Variants in MAP3K20 observed in about 807,000 individuals in gnomAD.
MAP3K20 encodes HCCS-4.
A neutral mutation model predicts 85.7 loss-of-function variants in MAP3K20; 40 were observed. That is an observed-to-expected ratio of 0.47 (90% CI 0.36 to 0.61). The LOEUF (loss-of-function observed/expected upper bound fraction) is 0.61. Among genes scored for constraint, MAP3K20 ranks in the 20% least tolerant of loss-of-function variants. MAP3K20 has a pLI of 0.00. For synonymous variants in MAP3K20, 325 were observed against 327.7 expected, an observed-to-expected ratio of 0.99 and a Z score of 0.09; for missense variants, 817 against 961.7, an observed-to-expected ratio of 0.85 and a Z score of 1.99.
intron 2 of MAP3K20, among the ~76,000 whole-genome samples, chr2:173,134,193 CTTT>C (rs1351658012): frequency 2.3e-5 from 3 of 130,420 alleles, no homozygotes; most frequent in African/African-American, 2.8e-5. Flanking sequence ...CAATAGCTAT[CTTT>C]TTTTTTTTTT....
At chr2:173,230,114 G>T (rs145520050) in intron 12 of MAP3K20, among the ~76,000 whole-genome samples, 104 of 152,260 alleles carry the variant, frequency 6.8e-4, no homozygotes, top group African/African-American at 2.4e-3. Context: ...TTATAGGTGT[G>T]AGCCACTGTG....
chr2:173,085,784 A>ATTTTTTTTTTTTTTTTTT (rs61431056), intron 1 of MAP3K20, among the ~76,000 whole-genome samples: 1 of 73,760 alleles, frequency 1.4e-5, no homozygotes. Flanking sequence ...TGTAAAAGCA[A>ATTTTTTTTTTTTTTTTTT]TTTTTTTTTT....
At chr2:173,150,572 A>AT (rs918670613) in intron 2 of MAP3K20, among the ~76,000 whole-genome samples, 1 of 152,032 alleles carries the variant, frequency 6.6e-6, no homozygotes, top group East Asian at 1.9e-4. Context: ...CCTTAAAAAA[A>AT]TTTTTTTTCT....
intron 11 of MAP3K20, chr2:173,223,531 C>A: frequency 1.0e-6 from 1 of 985,330 alleles, no homozygotes; most frequent in African/African-American, 1.7e-5. Flanking sequence ...ATAATATTTT[C>A]TCTGTAGTAT....
chr2:173,263,449 A>G (rs190909524), intron 18 of MAP3K20, among the ~76,000 whole-genome samples: 13 of 152,352 alleles, frequency 8.5e-5, no homozygotes, highest in African/African-American at 2.9e-4. Flanking sequence ...AAAGACAACC[A>G]TATTTTTTAG....
At chr2:173,134,696 G>C (rs1688750252) in intron 2 of MAP3K20, among the ~76,000 whole-genome samples, 1 of 151,570 alleles carries the variant, frequency 6.6e-6, no homozygotes, top group Non-Finnish European at 1.5e-5. Context: ...GCAGCCTTCA[G>C]ATATTTCCAG....
chr2:173,119,642 A>G (rs150943944), intron 2 of MAP3K20, among the ~76,000 whole-genome samples: 1,750 of 152,306 alleles, frequency 0.011, 22 homozygotes, highest in Middle Eastern at 0.024. Flanking sequence ...ATAAATTGTT[A>G]ACTGGCACAG....
At chr2:173,147,149 T>G (rs1689160576) in intron 2 of MAP3K20, among the ~76,000 whole-genome samples, 1 of 152,218 alleles carries the variant, frequency 6.6e-6, no homozygotes. Flanking sequence ...CCCTATTCTG[T>G]GGGTTGTCTT....
chr2:173,126,511 C>T (rs1477522500), intron 2 of MAP3K20, among the ~76,000 whole-genome samples: 1 of 152,146 alleles, frequency 6.6e-6, no homozygotes, highest in African/African-American at 2.4e-5. Context: ...TCCCAAGTAG[C>T]TGGGACTACA....
At chr2:173,148,673 C>T (rs542528520) in intron 2 of MAP3K20, among the ~76,000 whole-genome samples, 1 of 152,324 alleles carries the variant, frequency 6.6e-6, no homozygotes, top group South Asian at 2.1e-4. Flanking sequence ...CTCCAACCTC[C>T]TGACGATGCC....
chr2:173,164,375 A>G (rs1229523664), intron 2 of MAP3K20, among the ~76,000 whole-genome samples: 1 of 152,074 alleles, frequency 6.6e-6, no homozygotes. Flanking sequence ...GTGTCTATGC[A>G]TGTTCTTTGC....
At chr2:173,125,182 T>A (rs114360392) in intron 2 of MAP3K20, among the ~76,000 whole-genome samples, 219 of 152,334 alleles carry the variant, frequency 1.4e-3, no homozygotes, top group African/African-American at 5.1e-3. Flanking sequence ...TTGTCTTCCC[T>A]ATTTTAAGGA....
At chr2:173,261,425 A>G (rs1685289888) in intron 18 of MAP3K20, among the ~76,000 whole-genome samples, 1 of 152,184 alleles carries the variant, frequency 6.6e-6, no homozygotes, top group Admixed American at 6.5e-5. Flanking sequence ...GATGTTTGGT[A>G]TTGGGGATAC....
intron 2 of MAP3K20, among the ~76,000 whole-genome samples, chr2:173,116,982 G>A (rs1039715752): frequency 6.6e-6 from 1 of 152,202 alleles, no homozygotes; most frequent in African/African-American, 2.4e-5. Flanking sequence ...AATGGTGGCA[G>A]CAATGGGGAT....
chr2:173,123,846 G>C (rs192763176), intron 2 of MAP3K20, among the ~76,000 whole-genome samples: 1 of 152,074 alleles, frequency 6.6e-6, no homozygotes, highest in Admixed American at 6.5e-5. Flanking sequence ...TTTAGAGCTA[G>C]TGTGGAAGCT....
intron 11 of MAP3K20, chr2:173,225,348 C>T (rs1574135009): frequency 8.0e-6 from 2 of 251,168 alleles, no homozygotes; most frequent in Non-Finnish European, 1.3e-5. Context: ...AATCCCAGCA[C>T]TTTGGGAGGC....
At chr2:173,172,046 C>G (rs566542487) in intron 3 of MAP3K20, among the ~76,000 whole-genome samples, 18 of 152,322 alleles carry the variant, frequency 1.2e-4, no homozygotes, top group African/African-American at 4.3e-4. Flanking sequence ...CCTTGTACAG[C>G]TATGCTCTGT....
intron 7 of MAP3K20, among the ~76,000 whole-genome samples, chr2:173,193,989 C>T (rs2106278783): frequency 6.6e-6 from 1 of 152,306 alleles, no homozygotes; most frequent in African/African-American, 2.4e-5. Context: ...CTGGATGTTG[C>T]TCTGCAGAAC....
chr2:173,229,840 G>C (rs1022149627), intron 12 of MAP3K20, 107 bp downstream of exon 12: 3 of 1,258,398 alleles, frequency 2.4e-6, no homozygotes, highest in Non-Finnish European at 3.5e-6. Context: ...CTAACTAGGA[G>C]AGGTTGACAA....
Sources: gnomAD v4.1 joint callset for allele counts (sites outside exome capture counted in the v4.1 genomes callset) on GRCh38, gnomAD v4.1.1 for gene constraint, MANE v1.5 for transcripts, NCBI Gene and HGNC (gene_info 2026-07-23, HGNC 2026-07-21) for gene names.